The following INSC variants were observed in gnomAD, a reference collection of about 807,000 sequenced individuals.
INSC encodes protein inscuteable homolog.
In INSC, 67 loss-of-function variants were observed where a neutral mutation model predicts 58.6. The observed-to-expected ratio is 1.14, with a 90% confidence interval of 0.94 to 1.40. INSC has a LOEUF of 1.40. Ranked by LOEUF, INSC falls within the 40% of genes most tolerant of loss-of-function variation. The pLI, the probability that INSC is intolerant of heterozygous loss-of-function variation, is 0.00. For missense variants in INSC, 714 were observed against 692.0 expected (o/e 1.03, Z -0.36); for synonymous variants, 262 against 276.1 (o/e 0.95, Z 0.51).
downstream of INSC, among the ~76,000 whole-genome samples, chr11:15,248,063 C>A (rs935038549): frequency 3.9e-5 from 6 of 152,274 alleles, no homozygotes; most frequent in South Asian, 1.2e-3. Flanking sequence ...CTAGTTGATA[C>A]TGCAATTGAA....
At chr11:15,173,948 C>T (rs1022203343) in intron 2 of INSC, among the ~76,000 whole-genome samples, 1 of 152,204 alleles carries the variant, frequency 6.6e-6, no homozygotes, top group Non-Finnish European at 1.5e-5. Context: ...TTCAACCCTA[C>T]TTGGTACCTT....
At chr11:15,158,369 T>C (rs1029107140) in intron 2 of INSC, among the ~76,000 whole-genome samples, 2 of 151,770 alleles carry the variant, frequency 1.3e-5, no homozygotes, top group Non-Finnish European at 2.9e-5. Flanking sequence ...CCTGATGTTA[T>C]AGTCTAGTGA....
chr11:15,260,129 C>T, the INSC span, among the ~76,000 whole-genome samples: 8 of 152,164 alleles, frequency 5.3e-5, no homozygotes, highest in African/African-American at 1.2e-4. Flanking sequence ...TGAGGGAGGC[C>T]GACCCACATC....
chr11:15,130,774 T>C (rs1848107039), intron 1 of INSC, among the ~76,000 whole-genome samples: 2 of 152,186 alleles, frequency 1.3e-5, no homozygotes, highest in Non-Finnish European at 2.9e-5. Flanking sequence ...GAATCAATTT[T>C]GGTAAATTTT....
chr11:15,211,937 C>G (rs1851041062), intron 7 of INSC, among the ~76,000 whole-genome samples: 1 of 151,102 alleles, frequency 6.6e-6, no homozygotes, highest in African/African-American at 2.4e-5. Context: ...ATACATTTTT[C>G]TATTTGGTAA....
downstream of INSC, among the ~76,000 whole-genome samples, chr11:15,251,432 T>C (rs1852648501): frequency 6.6e-6 from 1 of 152,220 alleles, no homozygotes; most frequent in African/African-American, 2.4e-5. Context: ...TTAAAAACTT[T>C]TGTGCTTCAA....
chr11:15,187,043 A>G (rs1201005747), intron 5 of INSC, among the ~76,000 whole-genome samples: 1 of 152,168 alleles, frequency 6.6e-6, no homozygotes, highest in African/African-American at 2.4e-5. Flanking sequence ...ACTCACATGT[A>G]TGGTGCCATG....
chr11:15,177,221 G>A (rs1016406943), intron 4 of INSC, 58 bp downstream of exon 4: 28 of 1,381,310 alleles, frequency 2.0e-5, no homozygotes, highest in Non-Finnish European at 2.8e-5. Context: ...GCAGGAGAAG[G>A]GGCTGGTATC....
chr11:15,215,023 A>G (rs774300093), intron 7 of INSC, among the ~76,000 whole-genome samples: 1 of 152,228 alleles, frequency 6.6e-6, no homozygotes, highest in African/African-American at 2.4e-5. Context: ...GCAGCATAAA[A>G]TAGACTAAGA....
chr11:15,240,334 G>A, intron 11 of INSC, 113 bp from the exon 12 acceptor site: 1 of 840,836 alleles, frequency 1.2e-6, no homozygotes, highest in Non-Finnish European at 2.0e-6. Flanking sequence ...TCCCCGAGGT[G>A]GGTTCAGTCC....
chr11:15,129,774 C>T (rs539557270), intron 1 of INSC, among the ~76,000 whole-genome samples: 1 of 152,118 alleles, frequency 6.6e-6, no homozygotes, highest in Non-Finnish European at 1.5e-5. Flanking sequence ...TTTGTAGATA[C>T]CCTTGGATTT....
At chr11:15,113,119 C>CTTTCTTTCTTTCTT (rs1554899333), upstream of INSC, among the ~76,000 whole-genome samples, 5 of 73,260 alleles carry the variant, frequency 6.8e-5, no homozygotes, top group Non-Finnish European at 1.2e-4. Flanking sequence ...TTCTCTCTCT[C>CTTTCTTTCTTTCTT]TCTTTCTTTC....
chr11:15,134,476 T>C (rs1049177612), intron 1 of INSC, among the ~76,000 whole-genome samples: 1 of 152,234 alleles, frequency 6.6e-6, no homozygotes, highest in African/African-American at 2.4e-5. Context: ...AGGACTTAAA[T>C]GTTTGTAGGT....
At chr11:15,145,870 C>A (rs913543844) in intron 1 of INSC, among the ~76,000 whole-genome samples, 13 of 152,100 alleles carry the variant, frequency 8.5e-5, no homozygotes, top group Non-Finnish European at 1.9e-4. Context: ...CTGAGAAGGG[C>A]CTCCTGGGGT....
chr11:15,229,948 TTATATATATATTTATA>T (rs1341219501), intron 9 of INSC, among the ~76,000 whole-genome samples: 1,477 of 24,790 alleles, frequency 0.06, 63 homozygotes, highest in Non-Finnish European at 0.093. Context: ...ATATATAATA[TTATATATATATTTATA>T]TATATATATA....
chr11:15,149,373 G>T (rs1848579614), intron 2 of INSC, 143 bp downstream of exon 2: 1 of 801,336 alleles, frequency 1.2e-6, no homozygotes, highest in Non-Finnish European at 1.8e-6. Flanking sequence ...AGGTATTGGG[G>T]ATGTCATGTT....
intron 6 of INSC, among the ~76,000 whole-genome samples, chr11:15,197,523 G>A (rs1850416094): frequency 6.6e-6 from 1 of 152,132 alleles, no homozygotes; most frequent in Admixed American, 6.5e-5. Flanking sequence ...TAACAGTGTG[G>A]GGCAGTGATC....
chr11:15,183,644 T>G (rs1849862109), intron 5 of INSC, among the ~76,000 whole-genome samples: 1 of 152,188 alleles, frequency 6.6e-6, no homozygotes, highest in Non-Finnish European at 1.5e-5. Flanking sequence ...ATGCAGGCAA[T>G]TCCTTTCAGC....
At chr11:15,184,140 G>A (rs1346001662) in intron 5 of INSC, among the ~76,000 whole-genome samples, 1 of 152,052 alleles carries the variant, frequency 6.6e-6, no homozygotes, top group Non-Finnish European at 1.5e-5. Flanking sequence ...AAGGAATACT[G>A]TGCTTTTTAA....
Sources: gnomAD v4.1 joint callset for allele counts (sites outside exome capture counted in the v4.1 genomes callset) on GRCh38, gnomAD v4.1.1 for gene constraint, MANE v1.5 for transcripts, NCBI Gene and HGNC (gene_info 2026-07-23, HGNC 2026-07-21) for gene names.